Variants in IGF1R observed in about 807,000 individuals in gnomAD.
IGF1R encodes the protein insulin like growth factor 1 receptor.
A neutral mutation model predicts 144.6 loss-of-function variants in IGF1R; 44 were observed. The observed-to-expected ratio is 0.30, with a 90% confidence interval of 0.24 to 0.39. The LOEUF (loss-of-function observed/expected upper bound fraction) is 0.39, where lower values mean the gene tolerates loss of function less well. Ranked by LOEUF, IGF1R falls within the 10% of genes least tolerant of loss-of-function variation. The probability of loss-of-function intolerance (pLI) is 1.00; values close to 1 mark genes in which losing one functional copy is unlikely to be tolerated. For missense variants in IGF1R, 1,355 were observed against 1,833.7 expected (o/e 0.74, Z 4.77); for synonymous variants, 795 against 722.8 (o/e 1.10, Z -1.60).
chr15:98,929,407 G>T, intron 13 of IGF1R, 151 bp from the exon 14 acceptor site: 1 of 703,296 alleles, frequency 1.4e-6, no homozygotes, highest in Non-Finnish European at 2.6e-6. Flanking sequence ...TTCTATTTCT[G>T]ACACCATTTA....
intron 19 of IGF1R, among the ~76,000 whole-genome samples, chr15:98,947,416 T>A (rs1010900445): frequency 6.6e-6 from 1 of 152,172 alleles, no homozygotes; most frequent in South Asian, 2.1e-4. Context: ...GGTTTTTCCA[T>A]GTGGCTTGAC....
In IGF1R at chr15:98,961,118, T is replaced by C; in HGVS notation, c.*3676T>C. On this transcript the variant is annotated 3_prime_UTR_variant, in exon 21 of 21. Transcript: ENST00000650285. ...CTCCTGCTGGAACGCGACCCATCTC[T>C]CCCAGGACCCCGGGGATCTTAAGGT... 1 of 233,578 alleles carries C rather than the reference T, an allele frequency of 4.3e-6. No individual in the cohort carries two copies. The highest frequency in any genetic ancestry group is 8.5e-6 in the Non-Finnish European group (1 of 117,960). 14.5% of individuals were successfully genotyped at this position (233,578 alleles called of 1,614,324 possible). A position where few individuals can be genotyped will look rare whatever the true frequency, so the allele number is the denominator to read the frequency against.
chr15:98,874,144 A>T (rs1467114038), intron 2 of IGF1R, among the ~76,000 whole-genome samples: 1 of 152,152 alleles, frequency 6.6e-6, no homozygotes, highest in African/African-American at 2.4e-5. Context: ...TCCAAAATGT[A>T]TCTTTGGTGG....
chr15:98,945,219 A>C (rs558678464), intron 19 of IGF1R, among the ~76,000 whole-genome samples: 1 of 152,354 alleles, frequency 6.6e-6, no homozygotes, highest in East Asian at 1.9e-4. Context: ...TTTATTTTTT[A>C]TTAAGAAGCT....
intron 2 of IGF1R, among the ~76,000 whole-genome samples, chr15:98,766,085 G>A (rs1012261091): frequency 2.6e-5 from 4 of 152,042 alleles, no homozygotes; most frequent in Non-Finnish European, 4.4e-5. Context: ...GGAAGGGTGT[G>A]GATGAAGGGT....
chr15:98,717,281 A>G (rs1249903999), intron 2 of IGF1R, among the ~76,000 whole-genome samples: 2 of 152,100 alleles, frequency 1.3e-5, no homozygotes, highest in African/African-American at 4.8e-5. Context: ...TTTGAAAAGC[A>G]TCTAACATGT....
At chr15:98,716,033 C>T (rs1400438284) in intron 2 of IGF1R, among the ~76,000 whole-genome samples, 2 of 152,210 alleles carry the variant, frequency 1.3e-5, no homozygotes, top group Admixed American at 6.5e-5. Flanking sequence ...GCTCAGCAGC[C>T]AGCATGGCAG....
intron 2 of IGF1R, among the ~76,000 whole-genome samples, chr15:98,852,364 G>A (rs952664009): frequency 6.6e-6 from 1 of 152,176 alleles, no homozygotes; most frequent in Admixed American, 6.5e-5. Context: ...CGCCGCCGCC[G>A]TGGACCAAGG....
chr15:98,758,260 T>C lies in IGF1R; in HGVS notation c.640+50153T>C, dbSNP rs183583028. On this transcript the variant is annotated intron_variant, in intron 2 of 20. Transcript: ENST00000650285. ...TTTATACTCCAATTGTGTCTCCACATATGCTCTTAGACTCCTCTTCCCGTC... is the reference window on the plus strand; with the variant it reads ...TTTATACTCCAATTGTGTCTCCACACATGCTCTTAGACTCCTCTTCCCGTC... Among the ~76,000 whole-genome samples, 164 of 152,142 alleles carry C rather than the reference T, an allele frequency of 1.1e-3. 1 individual carries two copies. Among genetic ancestry groups the C allele is most frequent in the African/African-American group, 3.2e-3 (134 of 41,510 alleles).
chr15:98,826,140 G>A (rs2056891323), intron 2 of IGF1R, among the ~76,000 whole-genome samples: 1 of 152,142 alleles, frequency 6.6e-6, no homozygotes, highest in Non-Finnish European at 1.5e-5. Context: ...GAAATCAGGG[G>A]GATTCCCAAA....
At chr15:98,862,214 G>A (rs7164105) in intron 2 of IGF1R, among the ~76,000 whole-genome samples, 2,141 of 152,298 alleles carry the variant, frequency 0.014, 47 homozygotes, top group African/African-American at 0.049. Flanking sequence ...ATTATCTGTA[G>A]CAGATGATAG....
chr15:98,900,077 C>T (rs918551821), intron 5 of IGF1R, among the ~76,000 whole-genome samples: 2 of 152,124 alleles, frequency 1.3e-5, no homozygotes, highest in African/African-American at 2.4e-5. Context: ...GGAGCATGGG[C>T]GGTTCGTTTT....
At chr15:98,898,968 G>A (rs903845364) in intron 4 of IGF1R, among the ~76,000 whole-genome samples, 3 of 152,156 alleles carry the variant, frequency 2.0e-5, no homozygotes, top group African/African-American at 7.2e-5. Context: ...CTCATAGATA[G>A]CCATTGTTAA....
intron 19 of IGF1R, among the ~76,000 whole-genome samples, chr15:98,946,297 G>C (rs955454360): frequency 4.6e-5 from 7 of 152,026 alleles, no homozygotes; most frequent in African/African-American, 1.7e-4. Context: ...AGGTTTCCTC[G>C]TGGGACTTAG....
intron 2 of IGF1R, among the ~76,000 whole-genome samples, chr15:98,882,770 A>C (rs2013445047): frequency 6.6e-6 from 1 of 152,216 alleles, no homozygotes; most frequent in African/African-American, 2.4e-5. Flanking sequence ...TGTTAGGAAG[A>C]CAGCAGACTC....
intron 2 of IGF1R, among the ~76,000 whole-genome samples, chr15:98,838,569 C>G (rs2011125770): frequency 6.6e-6 from 1 of 152,220 alleles, no homozygotes. Flanking sequence ...AGCACATGAC[C>G]TTTTCATGCC....
At chr15:98,698,667 G>T (rs2053654734) in intron 1 of IGF1R, among the ~76,000 whole-genome samples, 1 of 152,222 alleles carries the variant, frequency 6.6e-6, no homozygotes, top group South Asian at 2.1e-4. Context: ...ACTGACCTCT[G>T]GCCATGTGAT....
At chr15:98,924,247 T>C (rs934836681) in intron 12 of IGF1R, among the ~76,000 whole-genome samples, 1 of 152,270 alleles carries the variant, frequency 6.6e-6, no homozygotes, top group Non-Finnish European at 1.5e-5. Context: ...TTGTGTAAGA[T>C]AACCTTGTGG....
chr15:98,837,042 G>A (rs2011103702), intron 2 of IGF1R, among the ~76,000 whole-genome samples: 1 of 152,042 alleles, frequency 6.6e-6, no homozygotes. Flanking sequence ...GATATCTTAG[G>A]GCTGATACTC....
Sources: allele counts gnomAD v4.1 joint callset (sites outside exome capture counted in the v4.1 genomes callset), GRCh38; gene constraint gnomAD v4.1.1; transcripts MANE v1.5; gene names NCBI Gene and HGNC (gene_info 2026-07-23, HGNC 2026-07-21).